WDR48: variants seen among roughly 807,000 people sequenced by gnomAD.
WDR48 encodes the protein WD repeat domain 48.
In WDR48, 22 loss-of-function variants were observed where a neutral mutation model predicts 94.0. That is an observed-to-expected ratio of 0.23 (90% CI 0.17 to 0.33). The LOEUF is 0.33. Among genes scored for constraint, WDR48 ranks in the 10% least tolerant of loss-of-function variants. The pLI, the probability that WDR48 is intolerant of heterozygous loss-of-function variation, is 1.00. For missense variants in WDR48, 541 were observed against 813.8 expected, an observed-to-expected ratio of 0.66 and a Z score of 4.08; for synonymous variants, 278 against 280.5, an observed-to-expected ratio of 0.99 and a Z score of 0.09.
rs1246757577 is a variant in WDR48 at position 39,066,283 on chromosome 3, TCA to T, written c.269-262_269-261del. Among the ~76,000 whole-genome samples the T allele has an allele frequency of 2.6e-5, 4 of 152,334 alleles. No individual in the cohort carries two copies. The East Asian group carries it at 7.7e-4, about 29-fold the overall frequency. On this transcript the variant is annotated intron_variant, in intron 3 of 18. Coordinates refer to ENST00000302313, the MANE Select transcript of WDR48 (RefSeq NM_020839.4). ...TCCGAGTTACAGGAATTTTTCTCAA[TCA>T]CATTAGTTGAGCCTTCAACTGGAAC...
intron 2 of WDR48, among the ~76,000 whole-genome samples, chr3:39,063,851 G>A (rs1257751841): frequency 6.6e-6 from 1 of 152,196 alleles, no homozygotes; most frequent in Admixed American, 6.5e-5. Flanking sequence ...GGGGAGCTGA[G>A]GTGGGAGGAT....
chr3:39,060,902 G>A (rs540025850), intron 1 of WDR48, among the ~76,000 whole-genome samples: 1 of 152,328 alleles, frequency 6.6e-6, no homozygotes, highest in African/African-American at 2.4e-5. Context: ...GGGAGGTAGA[G>A]GATGTAGTAA....
chr3:39,084,784 G>T, intron 13 of WDR48, 43 bp downstream of exon 13: 2 of 1,551,410 alleles, frequency 1.3e-6, no homozygotes, highest in Non-Finnish European at 1.8e-6. Flanking sequence ...CTTCTAAAGA[G>T]AAGATGAATA....
chr3:39,089,142 C>T (rs1035230254), intron 15 of WDR48, 89 bp from the exon 16 acceptor site: 1 of 1,202,764 alleles, frequency 8.3e-7, no homozygotes, highest in Non-Finnish European at 1.2e-6. Context: ...ACATGAAAAC[C>T]ATGAGGGTTC....
intron 1 of WDR48, among the ~76,000 whole-genome samples, chr3:39,053,855 C>T (rs1204824049): frequency 1.3e-5 from 2 of 152,148 alleles, no homozygotes; most frequent in Non-Finnish European, 2.9e-5. Context: ...TGAGCCAGTG[C>T]ACGTAGAATG....
chr3:39,085,438 A>AT (rs2125677755), intron 13 of WDR48, 77 bp from the exon 14 acceptor site: 1 of 1,161,912 alleles, frequency 8.6e-7, no homozygotes, highest in East Asian at 2.4e-5. Context: ...CAAACTTACA[A>AT]TTTTTATTCT....
chr3:39,074,399 A>G (rs1194042299), intron 7 of WDR48, among the ~76,000 whole-genome samples: 3 of 152,262 alleles, frequency 2.0e-5, no homozygotes, highest in Admixed American at 6.5e-5. Flanking sequence ...GCATATTTAC[A>G]TGAGTGAATT....
chr3:39,063,284 C>T (rs907599772), intron 2 of WDR48, 94 bp downstream of exon 2: 20 of 1,468,374 alleles, frequency 1.4e-5, no homozygotes, highest in African/African-American at 1.3e-4. Context: ...GATTTAATCT[C>T]TCTGAATGCT....
rs138671312 is a variant in WDR48, at chr3:39,060,227, T to A, written c.49-2823T>A. On this transcript the variant is annotated intron_variant, in intron 1 of 18. Transcript: ENST00000302313. ...GTTCATTAGCAATTACTCCCCGTTT[T>A]TCATTTTTCCCTCCTTCAATCTCCT... Among the ~76,000 whole-genome samples, 15 of 152,288 alleles carry A rather than the reference T, an allele frequency of 9.8e-5. No homozygotes were observed. The East Asian group carries it at 2.7e-3, about 27-fold the overall frequency.
intron 9 of WDR48, 112 bp from the exon 10 acceptor site, chr3:39,078,025 G>T: frequency 1.4e-6 from 1 of 735,880 alleles, no homozygotes; most frequent in Non-Finnish European, 2.3e-6. Context: ...TGATGTAGTG[G>T]TTGTTGAGGT....
chr3:39,085,220 C>CT (rs771912992), intron 13 of WDR48, among the ~76,000 whole-genome samples: 1 of 141,874 alleles, frequency 7.0e-6, no homozygotes, highest in Non-Finnish European at 1.5e-5. Flanking sequence ...GAGCGAGACT[C>CT]TATCTCAAAA....
In WDR48 at chr3:39,072,175, A is replaced by G. The variant is rs567148297; in HGVS notation, c.672+2431A>G. 1.4e-4 allele frequency among the ~76,000 whole-genome samples: 21 copies of G among 152,356 alleles called. No individual in the cohort carries two copies. The East Asian group carries it at 3.9e-3, about 28-fold the overall frequency. Reference sequence around the variant, plus strand: ...TTGTAGAATAAGATTCTTATTTACCAAATTTATTTGAGGTTCTCCCTAAGG... The same window carrying G: ...TTGTAGAATAAGATTCTTATTTACCGAATTTATTTGAGGTTCTCCCTAAGG... On this transcript the variant is annotated intron_variant, in intron 7 of 18. Coordinates refer to ENST00000302313, the MANE Select transcript of WDR48 (RefSeq NM_020839.4).
chr3:39,088,356 G>T lies in WDR48; in HGVS notation c.1580+123G>T. 4 of 917,434 alleles carry T rather than the reference G, an allele frequency of 4.4e-6. No homozygotes were observed. The South Asian group carries it at 6.6e-5, about 15-fold the overall frequency. The allele number at this position is 917,434 out of a possible 1,614,324, so 56.8% of individuals were successfully genotyped here. ...ATTATTAAATTCTAGGGATGCCAGG[G>T]ATTGGAAGCATCCCATGTCCATGAG... On this transcript the variant is annotated intron_variant, in intron 15 of 18. Coordinates refer to ENST00000302313, the MANE Select transcript of WDR48 (RefSeq NM_020839.4).
At chr3:39,069,404 ATAAG>A (rs1383374228) in intron 6 of WDR48, among the ~76,000 whole-genome samples, 1 of 152,226 alleles carries the variant, frequency 6.6e-6, no homozygotes, top group Admixed American at 6.5e-5. Context: ...TTTTATTTGA[ATAAG>A]TAAGAGTATA....
rs540071113 is a variant in WDR48 at position 39,059,801 on chromosome 3, A to G, written c.49-3249A>G. On this transcript the variant is annotated intron_variant, in intron 1 of 18. Coordinates refer to ENST00000302313, the MANE Select transcript of WDR48 (RefSeq NM_020839.4). ...TGTCAGAAAGTGTTTATTTATCCTC[A>G]GGGGAAACAAAAATGGCAGTTATTT... 2.0e-5 allele frequency among the ~76,000 whole-genome samples: 3 copies of G among 152,344 alleles called. No individual in the cohort carries two copies. In the East Asian group the frequency reaches 5.8e-4, roughly 29 times the overall value.
chr3:39,077,082 T>C (rs2034265767), intron 8 of WDR48, 57 bp from the exon 9 acceptor site: 2 of 1,590,506 alleles, frequency 1.3e-6, no homozygotes, highest in Admixed American at 3.3e-5. Context: ...TATCTAGTCC[T>C]GGCAGTTCAG....
Position 39,094,785 on chromosome 3 carries a change from T to C in WDR48, c.*42T>C, listed in dbSNP as rs779714296. 1 of 1,611,084 alleles carries C rather than the reference T, an allele frequency of 6.2e-7. No individual in the cohort carries two copies. Among genetic ancestry groups the C allele is most frequent in the Admixed American group, 1.7e-5 (1 of 59,674 alleles). On this transcript the variant is annotated 3_prime_UTR_variant, in exon 19 of 19. Coordinates refer to ENST00000302313, the MANE Select transcript of WDR48 (RefSeq NM_020839.4). ...CCTGGATATTCATTTACGACCTTCC[T>C]CTATGGCCCCAAGAGTAGTCCTAGG... is the stretch of plus-strand genomic sequence containing the variant.
intron 1 of WDR48, chr3:39,052,496 G>C (rs1256269378): frequency 5.6e-6 from 1 of 179,634 alleles, no homozygotes; most frequent in African/African-American, 2.4e-5. Flanking sequence ...CGGCTTGTGC[G>C]GGGGCGTGGC....
chr3:39,069,005 G>T lies in WDR48; in HGVS notation c.570+146G>T, dbSNP rs570279304. On this transcript the variant is annotated intron_variant, in intron 6 of 18. Coordinates refer to ENST00000302313, the MANE Select transcript of WDR48 (RefSeq NM_020839.4). ...GTCTCACTCTGTCACCCAGGTTGGGGTGCAGTGGCATCATGATCCTGGCTC... is the reference window on the plus strand; with the variant it reads ...GTCTCACTCTGTCACCCAGGTTGGGTTGCAGTGGCATCATGATCCTGGCTC... 3.5e-4 allele frequency: 205 copies of T among 590,812 alleles called. 1 individual carries two copies. The highest frequency in any genetic ancestry group is 5.6e-4 in the Non-Finnish European group (195 of 348,234). 36.6% of individuals were successfully genotyped at this position (590,812 alleles called of 1,614,324 possible).
Sources: allele counts gnomAD v4.1 joint callset (sites outside exome capture counted in the v4.1 genomes callset), GRCh38; gene constraint gnomAD v4.1.1; transcripts MANE v1.5; gene names NCBI Gene and HGNC (gene_info 2026-07-23, HGNC 2026-07-21).